Variants in SLCO1B1 observed in about 807,000 individuals in gnomAD.
SLCO1B1 encodes the protein solute carrier organic anion transporter family member 1B1, also known as OATP-2.
Under a neutral mutation model 70.1 loss-of-function variants are expected in SLCO1B1, and 81 were observed. That is an observed-to-expected ratio of 1.16 (90% CI 0.97 to 1.39). SLCO1B1 has a LOEUF of 1.39. Among genes scored for constraint, SLCO1B1 ranks in the 40% most tolerant of loss-of-function variants. SLCO1B1 has a pLI of 0.00. For missense variants in SLCO1B1, 895 were observed against 799.6 expected (o/e 1.12, Z -1.44); for synonymous variants, 283 against 271.5 (o/e 1.04, Z -0.42).
chr12:21,225,930 A>G (rs113899246), intron 14 of SLCO1B1, among the ~76,000 whole-genome samples: 1 of 152,232 alleles, frequency 6.6e-6, no homozygotes, highest in Admixed American at 6.5e-5. Flanking sequence ...ACATGACCCC[A>G]CAAAAACCTG....
chr12:21,156,757 G>A (rs962715062), intron 2 of SLCO1B1, among the ~76,000 whole-genome samples: 1 of 152,232 alleles, frequency 6.6e-6, no homozygotes, highest in African/African-American at 2.4e-5. Flanking sequence ...CATGAGAAAA[G>A]TGTTTTATAA....
At position 21,222,372 on chromosome 12, in the gene SLCO1B1, G is replaced by GGAA. The variant is rs1211931540; in HGVS notation, c.1747+8_1747+9insGAA. 6.0e-4 allele frequency: 15 copies of GGAA among 24,910 alleles called. No individual in the cohort carries two copies. Among genetic ancestry groups the GGAA allele is most frequent in the Admixed American group, 1.0e-3 (1 of 988 alleles). The allele number at this position is 24,910 out of a possible 1,614,324, so 1.5% of individuals were successfully genotyped here. A position where few individuals can be genotyped will look rare whatever the true frequency, so the allele number is the denominator to read the frequency against. ...TGGTTATACGAGCACTAGGTATGAT[G>GGAA]AAAAAAAAAAAAAAAAAAAAAAAAA... is the stretch of plus-strand genomic sequence containing the variant. On this transcript the variant is annotated intron_variant, in intron 13 of 14. Transcript: ENST00000256958.
At chr12:21,188,573 G>C (rs1257378366) in intron 7 of SLCO1B1, among the ~76,000 whole-genome samples, 3 of 152,058 alleles carry the variant, frequency 2.0e-5, no homozygotes, top group African/African-American at 4.8e-5. Context: ...GGGCCTGGTG[G>C]GAGGTGATTG....
chr12:21,145,473 ATTTTTTTTTTTT>A (rs35334634), intron 2 of SLCO1B1, among the ~76,000 whole-genome samples: 1 of 76,102 alleles, frequency 1.3e-5, no homozygotes, highest in Non-Finnish European at 2.2e-5. Context: ...CATTTTTTTC[ATTTTTTTTTTTT>A]TTTTTTTTTT....
At chr12:21,151,289 G>C (rs1388053681) in intron 2 of SLCO1B1, among the ~76,000 whole-genome samples, 3 of 152,148 alleles carry the variant, frequency 2.0e-5, no homozygotes, top group Admixed American at 1.3e-4. Context: ...TGACATGTGT[G>C]ACTGTAGTTA....
Position 21,174,521 on chromosome 12 carries a change from A to G in SLCO1B1, c.227-56A>G, listed in dbSNP as rs908431549. 3.2e-6 allele frequency: 5 copies of G among 1,585,670 alleles called. No homozygotes were observed. In the African/African-American group the frequency reaches 5.4e-5, roughly 17 times the overall value. On this transcript the variant is annotated intron_variant, in intron 3 of 14. Transcript: ENST00000256958. ...ATTTGCATCCATTCTGGGGTTTTCA[A>G]TTCTAGACGCAAAATTGAACTAAGC...
At chr12:21,196,384 A>T (rs1263612938) in intron 7 of SLCO1B1, among the ~76,000 whole-genome samples, 3 of 152,186 alleles carry the variant, frequency 2.0e-5, no homozygotes, top group Non-Finnish European at 4.4e-5. Flanking sequence ...TGGTTAAATT[A>T]TCCTTAACTT....
At chr12:21,217,094 T>C (rs1941367345) in intron 11 of SLCO1B1, 25 bp from the exon 12 acceptor site, 3 of 1,602,658 alleles carry the variant, frequency 1.9e-6, no homozygotes, top group Non-Finnish European at 2.6e-6. Context: ...ATTTCTTATG[T>C]CATATTTTAT....
At chr12:21,224,060 C>T (rs1941459463) in intron 13 of SLCO1B1, among the ~76,000 whole-genome samples, 1 of 152,124 alleles carries the variant, frequency 6.6e-6, no homozygotes, top group Non-Finnish European at 1.5e-5. Context: ...CTAACTTAGC[C>T]TAAGCTGCTT....
At chr12:21,182,847 C>T (rs1871396) in intron 7 of SLCO1B1, among the ~76,000 whole-genome samples, 70,197 of 151,988 alleles carry the variant, frequency 0.46, 17,617 homozygotes, top group Non-Finnish European at 0.57. Context: ...GTGAGATGCA[C>T]GGGTTCATGG....
chr12:21,182,553 T>A (rs1846027934), intron 7 of SLCO1B1, among the ~76,000 whole-genome samples: 1 of 152,164 alleles, frequency 6.6e-6, no homozygotes, highest in African/African-American at 2.4e-5. Context: ...TCCCTCCCAG[T>A]ACTCCTGCCT....
intron 12 of SLCO1B1, 67 bp from the exon 13 acceptor site, chr12:21,222,233 G>T (rs1248835797): frequency 4.0e-6 from 3 of 757,602 alleles, no homozygotes; most frequent in Admixed American, 4.2e-5. Context: ...ACAGGAGAAG[G>T]TTTAATGTTG....
At chr12:21,231,681 A>G (rs1941540485) in intron 14 of SLCO1B1, among the ~76,000 whole-genome samples, 1 of 152,030 alleles carries the variant, frequency 6.6e-6, no homozygotes, top group Non-Finnish European at 1.5e-5. Flanking sequence ...ACATATATGT[A>G]TATATGTGTG....
intron 2 of SLCO1B1, among the ~76,000 whole-genome samples, chr12:21,158,635 A>C (rs1940573278): frequency 6.6e-6 from 1 of 152,274 alleles, no homozygotes; most frequent in East Asian, 1.9e-4. Flanking sequence ...CAGAGGTTGC[A>C]GTGAGCCAAG....
intron 7 of SLCO1B1, among the ~76,000 whole-genome samples, chr12:21,188,792 C>T (rs1342461040): frequency 6.6e-6 from 1 of 152,166 alleles, no homozygotes; most frequent in South Asian, 2.1e-4. Flanking sequence ...CCCTTAATCA[C>T]TGGCAATAAC....
chr12:21,131,941 C>A (rs1457618218), intron 1 of SLCO1B1, among the ~76,000 whole-genome samples: 3 of 152,052 alleles, frequency 2.0e-5, no homozygotes, highest in Non-Finnish European at 4.4e-5. Context: ...CACCCATTAA[C>A]TCATCATTTA....
At chr12:21,231,346 C>T (rs895043773) in intron 14 of SLCO1B1, among the ~76,000 whole-genome samples, 222 of 152,026 alleles carry the variant, frequency 1.5e-3, no homozygotes, top group African/African-American at 5.2e-3. Context: ...TTGATGCTTT[C>T]TGTTTTAGAA....
At chr12:21,163,345 C>T (rs1222668037) in intron 2 of SLCO1B1, among the ~76,000 whole-genome samples, 2 of 152,126 alleles carry the variant, frequency 1.3e-5, no homozygotes, top group African/African-American at 4.8e-5. Flanking sequence ...AGGACTACAA[C>T]GTGTGTACCA....
At chr12:21,186,758 T>C (rs1940967055) in intron 7 of SLCO1B1, among the ~76,000 whole-genome samples, 1 of 152,052 alleles carries the variant, frequency 6.6e-6, no homozygotes, top group African/African-American at 2.4e-5. Flanking sequence ...TAATATACCG[T>C]CTTATCTCAT....
Sources: gnomAD v4.1 joint callset for allele counts (sites outside exome capture counted in the v4.1 genomes callset) on GRCh38, gnomAD v4.1.1 for gene constraint, MANE v1.5 for transcripts, NCBI Gene and HGNC (gene_info 2026-07-23, HGNC 2026-07-21) for gene names.